RAVER2: variants seen among roughly 807,000 people sequenced by gnomAD.
The protein encoded by RAVER2 is ribonucleoprotein PTB-binding 2.
A neutral mutation model predicts 78.1 loss-of-function variants in RAVER2; 46 were observed. The ratio of observed to expected loss-of-function variants is 0.59; its 90% confidence interval spans 0.46 to 0.75. The LOEUF (loss-of-function observed/expected upper bound fraction) is 0.75. Ranked by LOEUF, RAVER2 falls within the 30% of genes least tolerant of loss-of-function variation. RAVER2 has a pLI of 0.00. For synonymous variants in RAVER2, 311 were observed against 313.3 expected (o/e 0.99, Z 0.08); for missense variants, 793 against 837.5 (o/e 0.95, Z 0.66).
chr1:64,767,010 T>A (rs1652191502), intron 1 of RAVER2, among the ~76,000 whole-genome samples: 1 of 152,146 alleles, frequency 6.6e-6, no homozygotes, highest in South Asian at 2.1e-4. Context: ...AAATGCTATT[T>A]TACAAAATTG....
intron 9 of RAVER2, among the ~76,000 whole-genome samples, chr1:64,810,619 C>A (rs1298154606): frequency 6.6e-6 from 1 of 152,144 alleles, no homozygotes; most frequent in African/African-American, 2.4e-5. Context: ...ATAGCCATCC[C>A]AATGGGTGTG....
chr1:64,800,133 T>G (rs1462723335), intron 5 of RAVER2, among the ~76,000 whole-genome samples: 6 of 149,758 alleles, frequency 4.0e-5, no homozygotes, highest in South Asian at 2.1e-4. Flanking sequence ...TGTTTTTTGT[T>G]TTTTTTTTTT....
intron 1 of RAVER2, among the ~76,000 whole-genome samples, chr1:64,767,124 C>T (rs1163089787): frequency 6.6e-6 from 1 of 151,850 alleles, no homozygotes; most frequent in African/African-American, 2.4e-5. Context: ...TTTTTTCACT[C>T]AGCTTTGTTT....
At chr1:64,756,126 T>C (rs1026932916) in intron 1 of RAVER2, among the ~76,000 whole-genome samples, 61 of 152,200 alleles carry the variant, frequency 4.0e-4, no homozygotes, top group African/African-American at 1.5e-3. Context: ...TTGGTTCGTA[T>C]GGTGTTCCTT....
At chr1:64,777,943 C>T (rs1441812317) in exon 3 of RAVER2, 4 of 1,614,132 alleles carry the variant, frequency 2.5e-6, no homozygotes, top group Non-Finnish European at 3.4e-6. Flanking sequence ...AGCATCAGCA[C>T]TCTTTGCACA....
intron 9 of RAVER2, among the ~76,000 whole-genome samples, chr1:64,812,082 A>G (rs1273961368): frequency 2.0e-5 from 3 of 152,142 alleles, no homozygotes; most frequent in Non-Finnish European, 1.5e-5. Flanking sequence ...GCGGTGGGTC[A>G]CGCCTGTAAT....
chr1:64,806,611 G>T (rs1004220920), intron 8 of RAVER2, among the ~76,000 whole-genome samples: 1 of 152,120 alleles, frequency 6.6e-6, no homozygotes, highest in Non-Finnish European at 1.5e-5. Context: ...TAGCATTTGT[G>T]CATTTCTGTT....
intron 8 of RAVER2, 144 bp downstream of exon 8, chr1:64,805,249 T>G (rs1192824808): frequency 1.4e-6 from 1 of 701,170 alleles, no homozygotes; most frequent in Non-Finnish European, 2.3e-6. Context: ...CCCTCTTGGC[T>G]TTTCGATTTT....
Position 64,745,514 on chromosome 1 carries a change from C to G in RAVER2, c.249+93C>G. ...GGATCGGGGGCGCCTCAGAGCGGTC[C>G]TGGGGAGTGGGTCGGCGCCGAGTGG... On this transcript the variant is annotated intron_variant, in intron 1 of 11. Transcript: ENST00000294428. This position sits in a 1 kb window ranked among gnomAD's most constrained non-coding sequence, Gnocchi z 4.3. The G allele has an allele frequency of 1.5e-6, 2 of 1,351,148 alleles. No individual in the cohort carries two copies. The highest frequency in any genetic ancestry group is 1.5e-5 in the South Asian group (1 of 68,454). 83.7% of individuals were successfully genotyped at this position (1,351,148 alleles called of 1,614,324 possible). A position where few individuals can be genotyped will look rare whatever the true frequency, so the allele number is the denominator to read the frequency against.
At chr1:64,763,439 A>G (rs1164309808) in intron 1 of RAVER2, among the ~76,000 whole-genome samples, 2 of 152,244 alleles carry the variant, frequency 1.3e-5, no homozygotes, top group East Asian at 3.8e-4. Context: ...TCAAAGAAAT[A>G]CAAATTAAGG....
At chr1:64,790,377 T>C (rs139874155) in intron 5 of RAVER2, among the ~76,000 whole-genome samples, 1,975 of 152,306 alleles carry the variant, frequency 0.013, 24 homozygotes, top group South Asian at 0.034. Context: ...ATTAATCACT[T>C]AGTAGCCTTC....
chr1:64,763,303 A>C (rs1181391799), intron 1 of RAVER2, among the ~76,000 whole-genome samples: 1 of 152,216 alleles, frequency 6.6e-6, no homozygotes, highest in African/African-American at 2.4e-5. Context: ...TCTCAAAAAA[A>C]AGAAAAATTC....
intron 1 of RAVER2, among the ~76,000 whole-genome samples, chr1:64,765,852 G>GT (rs908245506): frequency 6.6e-6 from 1 of 152,176 alleles, no homozygotes; most frequent in African/African-American, 2.4e-5. Context: ...TAAAAGTAGT[G>GT]TTTTTTAATC....
intron 1 of RAVER2, among the ~76,000 whole-genome samples, chr1:64,760,280 C>T (rs1651985585): frequency 6.6e-6 from 1 of 152,166 alleles, no homozygotes; most frequent in South Asian, 2.1e-4. Context: ...TGTTCTCTCA[C>T]GTTAGAAAGA....
At chr1:64,785,423 G>C (rs555719620) in intron 4 of RAVER2, among the ~76,000 whole-genome samples, 1 of 146,994 alleles carries the variant, frequency 6.8e-6, no homozygotes, top group South Asian at 2.2e-4. Context: ...AGGCTGGAGT[G>C]CAGTGGCACG....
At chr1:64,780,194 T>C (rs1235182262) in intron 3 of RAVER2, among the ~76,000 whole-genome samples, 1 of 152,184 alleles carries the variant, frequency 6.6e-6, no homozygotes, top group East Asian at 1.9e-4. Flanking sequence ...TAGACTGTAT[T>C]AAAGACACAG....
chr1:64,810,671 G>A (rs566736544), intron 9 of RAVER2, among the ~76,000 whole-genome samples: 97 of 152,274 alleles, frequency 6.4e-4, no homozygotes, highest in Non-Finnish European at 1.0e-3. Context: ...TTTCCCTAAT[G>A]ATTAGTGATG....
intron 11 of RAVER2, among the ~76,000 whole-genome samples, chr1:64,828,019 A>G (rs569002024): frequency 3.3e-5 from 5 of 151,548 alleles, no homozygotes; most frequent in Admixed American, 6.6e-5. Flanking sequence ...CTTTTTTGCC[A>G]TCTGCCTTTG....
chr1:64,826,460 A>G (rs1654006055), intron 11 of RAVER2, among the ~76,000 whole-genome samples: 1 of 152,202 alleles, frequency 6.6e-6, no homozygotes, highest in African/African-American at 2.4e-5. Flanking sequence ...GCAAGTGCAA[A>G]GGTACTGAGG....
Sources: allele counts gnomAD v4.1 joint callset (sites outside exome capture counted in the v4.1 genomes callset), GRCh38; gene constraint gnomAD v4.1.1; non-coding constraint Gnocchi (gnomAD v3.1); transcripts MANE v1.5; gene names NCBI Gene and HGNC (gene_info 2026-07-23, HGNC 2026-07-21).